Variants in FIG4 observed in about 807,000 individuals in gnomAD.
The protein encoded by FIG4 is polyphosphoinositide phosphatase.
A neutral mutation model predicts 118.6 loss-of-function variants in FIG4; 112 were observed. The ratio of observed to expected loss-of-function variants is 0.94; its 90% confidence interval spans 0.81 to 1.11. The LOEUF (loss-of-function observed/expected upper bound fraction) is 1.11. FIG4 is among the 50% of genes least tolerant of loss of function. The probability of loss-of-function intolerance (pLI) is 0.00; values close to 1 mark genes in which losing one functional copy is unlikely to be tolerated. For missense variants in FIG4, 969 were observed against 1,111.7 expected (o/e 0.87, Z 1.83); for synonymous variants, 369 against 381.2 (o/e 0.97, Z 0.37).
rs1446128427 is a variant in FIG4 at position 109,771,840 on chromosome 6, A to G, written c.1750+4945A>G. ...CCATGCCTTCTTGTGTTCCCTAACT[A>G]TATGCTTGTTGCTGTACATCATCAG... On this transcript the variant is annotated intron_variant, in intron 15 of 22. Transcript: ENST00000230124. Among the ~76,000 whole-genome samples, 8 of 152,154 alleles carry G rather than the reference A, an allele frequency of 5.3e-5. No homozygotes were observed. In the East Asian group the frequency reaches 1.2e-3, roughly 22 times the overall value.
intron 22 of FIG4, among the ~76,000 whole-genome samples, chr6:109,811,668 G>A (rs4945839): frequency 0.23 from 35,721 of 152,104 alleles, 5,025 homozygotes; most frequent in Middle Eastern, 0.31. Context: ...CCTAATACAT[G>A]TATAAGTAAG....
At chr6:109,708,937 A>G (rs1023909651) in intron 1 of FIG4, among the ~76,000 whole-genome samples, 3 of 151,762 alleles carry the variant, frequency 2.0e-5, no homozygotes, top group Non-Finnish European at 4.4e-5. Flanking sequence ...TTGATAGTTT[A>G]TTTTGCTGTG....
chr6:109,762,897 A>G (rs1777155707), intron 12 of FIG4, among the ~76,000 whole-genome samples: 1 of 152,168 alleles, frequency 6.6e-6, no homozygotes, highest in African/African-American at 2.4e-5. Context: ...TCTGGCTATA[A>G]TTTATTATGG....
At chr6:109,777,188 T>A in intron 16 of FIG4, 128 bp downstream of exon 16, 2 of 845,708 alleles carry the variant, frequency 2.4e-6, no homozygotes, top group Non-Finnish European at 3.6e-6. Context: ...ATTTTTAAAA[T>A]TTTTTGTGGG....
intron 22 of FIG4, among the ~76,000 whole-genome samples, chr6:109,800,622 T>C (rs545627702): frequency 5.1e-4 from 77 of 152,022 alleles, no homozygotes; most frequent in African/African-American, 1.8e-3. Flanking sequence ...TCAGTAAATA[T>C]TTACTGAAAT....
At chr6:109,761,736 C>T (rs111247660) in intron 11 of FIG4, among the ~76,000 whole-genome samples, 1,601 of 152,288 alleles carry the variant, frequency 0.011, 29 homozygotes, top group African/African-American at 0.037. Flanking sequence ...CTGCACTGTG[C>T]GTGGTGCTCT....
At chr6:109,811,729 C>T (rs578122662) in intron 22 of FIG4, among the ~76,000 whole-genome samples, 10 of 152,018 alleles carry the variant, frequency 6.6e-5, no homozygotes, top group Non-Finnish European at 1.5e-4. Context: ...CAGGGGAATG[C>T]GAGAGAGTGC....
At chr6:109,732,870 T>C (rs1462581404) in intron 5 of FIG4, among the ~76,000 whole-genome samples, 183 bp downstream of exon 5, 1 of 152,126 alleles carries the variant, frequency 6.6e-6, no homozygotes, top group Admixed American at 6.6e-5. Flanking sequence ...AAAATCCAAA[T>C]GGATAAATTA....
Position 109,761,371 on chromosome 6 carries a change from T to C in FIG4, c.1272-720T>C, listed in dbSNP as rs1025396051. 3.3e-5 allele frequency among the ~76,000 whole-genome samples: 5 copies of C among 151,736 alleles called. No individual in the cohort carries two copies. The East Asian group carries it at 9.7e-4, about 29-fold the overall frequency. On this transcript the variant is annotated intron_variant, in intron 11 of 22. Transcript: ENST00000230124. ...GTGCCTGGCTAATTTTTTGTTGTTG[T>C]TGTTGTTGTTTTTGTTTCTGTTTTT...
chr6:109,713,415 G>A (rs968387905), intron 1 of FIG4, among the ~76,000 whole-genome samples: 25 of 152,194 alleles, frequency 1.6e-4, no homozygotes, highest in Non-Finnish European at 2.9e-4. Context: ...TACACTCTCT[G>A]TGTGCTGCAG....
intron 9 of FIG4, 100 bp downstream of exon 9, chr6:109,743,372 G>T: frequency 8.5e-7 from 1 of 1,177,074 alleles, no homozygotes; most frequent in Non-Finnish European, 1.3e-6. Flanking sequence ...TTTTCAGGAG[G>T]TTTTAGTCCT....
At chr6:109,777,650 G>A (rs1777659170) in intron 16 of FIG4, among the ~76,000 whole-genome samples, 1 of 152,228 alleles carries the variant, frequency 6.6e-6, no homozygotes, top group Non-Finnish European at 1.5e-5. Flanking sequence ...CGGGAAGCTA[G>A]AGCAGTGCTA....
At chr6:109,700,164 C>T (rs538783751) in intron 1 of FIG4, among the ~76,000 whole-genome samples, 1 of 152,330 alleles carries the variant, frequency 6.6e-6, no homozygotes, top group East Asian at 1.9e-4. Context: ...TAGCAATCAA[C>T]TTATCTTTCT....
intron 1 of FIG4, among the ~76,000 whole-genome samples, chr6:109,694,386 T>C (rs1429395921): frequency 2.0e-5 from 3 of 152,150 alleles, no homozygotes; most frequent in East Asian, 1.9e-4. Flanking sequence ...TGGATATCCA[T>C]GTGCAGAATG....
At chr6:109,814,402 A>G (rs1778802407) in intron 22 of FIG4, among the ~76,000 whole-genome samples, 2 of 151,840 alleles carry the variant, frequency 1.3e-5, no homozygotes, top group Admixed American at 1.3e-4. Context: ...TCAGCCTCCC[A>G]AAGTGCTGGG....
rs1319330583 is a variant in FIG4, at chr6:109,795,141, G to A, written c.2460-1624G>A. Among the ~76,000 whole-genome samples, 14 of 71,294 alleles carry A rather than the reference G, an allele frequency of 2.0e-4. No individual in the cohort carries two copies. In the East Asian group the frequency reaches 3.0e-3, roughly 15 times the overall value. 46.8% of individuals were successfully genotyped at this position (71,294 alleles called of 152,430 possible). A position where few individuals can be genotyped will look rare whatever the true frequency, so the allele number is the denominator to read the frequency against. On this transcript the variant is annotated intron_variant, in intron 21 of 22. Transcript: ENST00000230124. ...TTTTTTTTTTTTTTTTTTTTGAGAC[G>A]GAGTCTCGCTCTGTCGCCCAGGCGG...
intron 10 of FIG4, among the ~76,000 whole-genome samples, chr6:109,759,288 C>T (rs987028852): frequency 6.6e-6 from 1 of 152,022 alleles, no homozygotes; most frequent in Admixed American, 6.6e-5. Flanking sequence ...GAGTTCATGT[C>T]GTTGAGAGTG....
intron 4 of FIG4, among the ~76,000 whole-genome samples, chr6:109,727,623 CTT>C (rs1256348372): frequency 6.6e-6 from 1 of 152,030 alleles, no homozygotes; most frequent in African/African-American, 2.4e-5. Flanking sequence ...CCATGGATCT[CTT>C]TGTTATTTAC....
At chr6:109,699,566 G>A (rs1583623921) in intron 1 of FIG4, among the ~76,000 whole-genome samples, 2 of 147,906 alleles carry the variant, frequency 1.4e-5, no homozygotes, top group African/African-American at 5.0e-5. Flanking sequence ...GCAGTGGCTC[G>A]ATCTCGGCTC....
Sources: allele counts gnomAD v4.1 joint callset (sites outside exome capture counted in the v4.1 genomes callset), GRCh38; gene constraint gnomAD v4.1.1; transcripts MANE v1.5; gene names NCBI Gene and HGNC (gene_info 2026-07-23, HGNC 2026-07-21).